The following MYLIP variants were observed in gnomAD, a reference collection of about 807,000 sequenced individuals.
MYLIP encodes the protein E3 ubiquitin-protein ligase MYLIP.
In MYLIP, 26 loss-of-function variants were observed where a neutral mutation model predicts 45.8. The ratio of observed to expected loss-of-function variants is 0.57; its 90% CI spans 0.42 to 0.79. The LOEUF (loss-of-function observed/expected upper bound fraction) is 0.79. Ranked by LOEUF, MYLIP falls within the 30% of genes least tolerant of loss-of-function variation. The pLI is 0.00. For missense variants in MYLIP, 494 were observed against 555.6 expected (o/e 0.89, Z 1.11); for synonymous variants, 213 against 218.1 (o/e 0.98, Z 0.21).
downstream of MYLIP, among the ~76,000 whole-genome samples, chr6:16,150,088 G>A (rs1231919987): frequency 6.6e-6 from 1 of 152,214 alleles, no homozygotes; most frequent in Non-Finnish European, 1.5e-5. Flanking sequence ...GTCATCCATA[G>A]GAGTGTGAAA....
At chr6:16,155,329 G>A in the MYLIP span, among the ~76,000 whole-genome samples, 3 of 152,158 alleles carry the variant, frequency 2.0e-5, no homozygotes, top group Non-Finnish European at 1.5e-5. Context: ...TACAGGACAT[G>A]TGGCAAAAAA....
chr6:16,161,418 T>G, the MYLIP span: 1 of 175,628 alleles, frequency 5.7e-6, no homozygotes, highest in South Asian at 1.2e-4. Context: ...ACCAAGTACT[T>G]ACATACATCA....
intron 2 of MYLIP, 103 bp from the exon 3 acceptor site, chr6:16,141,522 T>A: frequency 8.8e-7 from 1 of 1,137,924 alleles, no homozygotes; most frequent in Non-Finnish European, 1.2e-6. Context: ...CAGTGTGACT[T>A]TTAAAATTGC....
chr6:16,151,139 G>A (rs1219580330), downstream of MYLIP, among the ~76,000 whole-genome samples: 1 of 151,852 alleles, frequency 6.6e-6, no homozygotes. Flanking sequence ...CACGAGGTCG[G>A]GAGATCAAGA....
chr6:16,151,969 G>T (rs1292369379), downstream of MYLIP, among the ~76,000 whole-genome samples: 1 of 152,160 alleles, frequency 6.6e-6, no homozygotes, highest in Admixed American at 6.5e-5. Flanking sequence ...CACACATAAT[G>T]AATATGTAGA....
At position 16,129,389 on chromosome 6, in the gene MYLIP, G is replaced by T. The variant is rs1759406452; in HGVS notation, c.67G>T (p.Gly23Cys). The change falls in exon 1 of 7, where the codon GGC (glycine) becomes TGC (cysteine). Residue 23 changes from glycine to cysteine, a missense_variant. By Grantham distance (159) the Gly-to-Cys change is radical. Coordinates refer to ENST00000356840, the MANE Select transcript of MYLIP (RefSeq NM_013262.4). This position sits in a 1 kb window ranked among gnomAD's most constrained non-coding sequence, Gnocchi z 5.1. ...GGTGGAGGTGGAGGCGAAAGCCAAC[G>T]GCGAGGACTGCCTCAACCAGGTGAG... ...MEVEVEAKAN[G>C]EDCLNQVCRR... 1.3e-5 allele frequency: 21 copies of T among 1,591,572 alleles called. No homozygotes were observed. Among genetic ancestry groups the T allele is most frequent in the Non-Finnish European group, 1.7e-5 (20 of 1,169,426 alleles).
chr6:16,154,717 C>T, the MYLIP span, among the ~76,000 whole-genome samples: 1 of 152,134 alleles, frequency 6.6e-6, no homozygotes, highest in Non-Finnish European at 1.5e-5. Flanking sequence ...CAGCCCAAAC[C>T]CTCTCCACTA....
the MYLIP span, among the ~76,000 whole-genome samples, chr6:16,160,410 G>T: frequency 1.3e-5 from 2 of 152,136 alleles, no homozygotes; most frequent in Non-Finnish European, 2.9e-5. Flanking sequence ...GCCTCATAGG[G>T]ATACATCTTG....
intron 2 of MYLIP, among the ~76,000 whole-genome samples, chr6:16,135,207 C>T (rs1428970163): frequency 6.6e-6 from 1 of 152,212 alleles, no homozygotes; most frequent in African/African-American, 2.4e-5. Context: ...CACTCCTTGG[C>T]TGATCTATAT....
the MYLIP span, among the ~76,000 whole-genome samples, chr6:16,160,654 TAGTC>T: frequency 1.1e-4 from 17 of 152,016 alleles, no homozygotes; most frequent in Non-Finnish European, 2.1e-4. Context: ...ATACAAAAAT[TAGTC>T]AGGCATGGTA....
chr6:16,142,947 T>C, intron 3 of MYLIP, 73 bp from the exon 4 acceptor site: 1 of 1,440,442 alleles, frequency 6.9e-7, no homozygotes, highest in Non-Finnish European at 9.6e-7. Flanking sequence ...ATTTCACTCG[T>C]GAAGACTACA....
At position 16,145,889 on chromosome 6, in the gene MYLIP, CCTTT is replaced by C. The variant is rs984983302; in HGVS notation, c.1248+576_1248+579del. ...AAGAGAACTCACATATAGTTTTCTT[CCTTT>C]CTTGCATGAAGAAGAATTTTAAATT... On this transcript the variant is annotated intron_variant, in intron 6 of 6. Coordinates refer to ENST00000356840, the MANE Select transcript of MYLIP (RefSeq NM_013262.4). Among the ~76,000 whole-genome samples the C allele has an allele frequency of 8.5e-4, 129 of 152,248 alleles. 2 individuals are homozygous for C. Among genetic ancestry groups the C allele is most frequent in the African/African-American group, 2.8e-3 (116 of 41,552 alleles).
the MYLIP span, among the ~76,000 whole-genome samples, chr6:16,156,520 CAAG>C: frequency 6.6e-6 from 1 of 152,298 alleles, no homozygotes; most frequent in Middle Eastern, 3.4e-3. Flanking sequence ...AAGGAAGACA[CAAG>C]CTGCACCTCT....
chr6:16,141,587 A>T (rs1265971951), intron 2 of MYLIP, 38 bp from the exon 3 acceptor site: 1 of 1,559,154 alleles, frequency 6.4e-7, no homozygotes, highest in East Asian at 2.3e-5. Context: ...ATGTCAGGTT[A>T]TCCCCAAGCA....
intron 6 of MYLIP, 151 bp from the exon 7 acceptor site, chr6:16,146,511 C>T (rs1759793016): frequency 1.7e-6 from 1 of 605,698 alleles, no homozygotes; most frequent in African/African-American, 1.8e-5. Flanking sequence ...TGTGAGACGG[C>T]AAAGATCTCT....
At chr6:16,138,801 C>T (rs544973629) in intron 2 of MYLIP, among the ~76,000 whole-genome samples, 2 of 152,182 alleles carry the variant, frequency 1.3e-5, no homozygotes, top group Non-Finnish European at 2.9e-5. Context: ...CTGATGTTGA[C>T]AGTAAGGAGA....
chr6:16,145,402 TAA>T, intron 6 of MYLIP, 85 bp downstream of exon 6: 2 of 1,435,094 alleles, frequency 1.4e-6, no homozygotes, highest in Non-Finnish European at 1.9e-6. Flanking sequence ...ACTGGCTCGC[TAA>T]TGCACAGACG....
chr6:16,135,580 TGTG>T (rs1759532910), intron 2 of MYLIP, among the ~76,000 whole-genome samples: 1 of 152,094 alleles, frequency 6.6e-6, no homozygotes, highest in South Asian at 2.1e-4. Flanking sequence ...AGTAGATAGA[TGTG>T]GTGGTTCACG....
rs141559538 is a variant in MYLIP at position 16,146,732 on chromosome 6, T to C, written c.1319T>C (p.Leu440Pro). Residue 440 changes from leucine to proline, a missense_variant, in exon 7 of 7, where the codon CTC becomes CCC. Transcript: ENST00000356840. Reference sequence around the variant, plus strand: ...TATCTGCCAACGCACACCAGTCTTCTCAATCTGACTGTAATCTAATCTGTT... The same window carrying C: ...TATCTGCCAACGCACACCAGTCTTCCCAATCTGACTGTAATCTAATCTGTT... ...HVYLPTHTSL[L>P]NLTVI 1.2e-6 allele frequency: 2 copies of C among 1,610,316 alleles called. No homozygotes were observed. The highest frequency in any genetic ancestry group is 1.7e-6 in the Non-Finnish European group (2 of 1,177,696).
Sources: allele counts gnomAD v4.1 joint callset (sites outside exome capture counted in the v4.1 genomes callset), GRCh38; gene constraint gnomAD v4.1.1; non-coding constraint Gnocchi (gnomAD v3.1); transcripts MANE v1.5; gene names NCBI Gene and HGNC (gene_info 2026-07-23, HGNC 2026-07-21).